ANKRD31: variants seen among roughly 807,000 people sequenced by gnomAD.
ANKRD31 encodes the protein ankyrin repeat domain-containing protein 31.
ANKRD31 carries 147 observed loss-of-function variants against 186.0 expected under a neutral mutation model. The ratio of observed to expected loss-of-function variants is 0.79; its 90% CI spans 0.69 to 0.91. The LOEUF is 0.91. Among genes scored for constraint, ANKRD31 ranks in the 40% least tolerant of loss-of-function variants. ANKRD31 has a pLI of 0.00. For missense variants in ANKRD31, 1,986 were observed against 2,148.8 expected, an observed-to-expected ratio of 0.92 and a Z score of 1.50; for synonymous variants, 673 against 736.4, an observed-to-expected ratio of 0.91 and a Z score of 1.39.
intron 11 of ANKRD31, among the ~76,000 whole-genome samples, chr5:75,168,522 T>C (rs1753083410): frequency 6.6e-6 from 1 of 152,172 alleles, no homozygotes; most frequent in African/African-American, 2.4e-5. Flanking sequence ...GTCTGATATT[T>C]TAACCTGCTG....
At chr5:75,133,073 G>C (rs1368153998) in intron 17 of ANKRD31, among the ~76,000 whole-genome samples, 13 of 152,288 alleles carry the variant, frequency 8.5e-5, no homozygotes, top group Middle Eastern at 6.8e-3. Context: ...AAATTGTAAA[G>C]ACCGTCGATG....
In ANKRD31 at chr5:75,104,282, C is replaced by G. The variant is rs777717221; in HGVS notation, c.5277G>C (p.Leu1759Phe). Reference sequence around the variant, plus strand: ...CTGGGTTAATTCTTCCTAGTAATATCAAATCTTTTATCTGAATACATTTCT... The same window carrying G: ...CTGGGTTAATTCTTCCTAGTAATATGAAATCTTTTATCTGAATACATTTCT... The part of the protein sequence containing the change: ...PKKKCIQIKD[L>F]ILLGRINPGN... Residue 1759 changes from leucine (L) to phenylalanine (F), a missense_variant, in exon 22 of 26, where the codon TTG (leucine) becomes TTC (phenylalanine). Physicochemically the swap from Leu to Phe is conservative, Grantham distance 22. Transcript: ENST00000506364. 2.0e-6 allele frequency: 3 copies of G among 1,532,950 alleles called. 1 individual carries two copies. In the South Asian group the frequency reaches 3.6e-5, roughly 19 times the overall value. 95.0% of individuals were successfully genotyped at this position (1,532,950 alleles called of 1,614,324 possible).
intron 23 of ANKRD31, among the ~76,000 whole-genome samples, chr5:75,089,274 G>C (rs1332904888): frequency 2.6e-5 from 4 of 152,206 alleles, no homozygotes; most frequent in Non-Finnish European, 5.9e-5. Flanking sequence ...CTCTGAGTAA[G>C]CATCAGGATT....
At chr5:75,156,454 C>G (rs763850641) in intron 11 of ANKRD31, among the ~76,000 whole-genome samples, 8 of 152,274 alleles carry the variant, frequency 5.3e-5, no homozygotes, top group Non-Finnish European at 1.0e-4. Flanking sequence ...AGTCAAAGTT[C>G]CTCCGCACTT....
At chr5:75,088,235 T>C (rs983831118) in intron 23 of ANKRD31, among the ~76,000 whole-genome samples, 10 of 152,026 alleles carry the variant, frequency 6.6e-5, no homozygotes, top group Admixed American at 6.6e-4. Context: ...TCTTGAAAAG[T>C]ATGTGTGGGG....
At chr5:75,107,683 G>A in intron 20 of ANKRD31, 66 bp from the exon 21 acceptor site, 2 of 902,174 alleles carry the variant, frequency 2.2e-6, no homozygotes, top group Non-Finnish European at 1.7e-6. Flanking sequence ...GGTCATACGA[G>A]AATTAGCCCT....
At chr5:75,156,499 C>T (rs1023998375) in intron 11 of ANKRD31, among the ~76,000 whole-genome samples, 2 of 152,160 alleles carry the variant, frequency 1.3e-5, no homozygotes, top group African/African-American at 4.8e-5. Context: ...CTCATCCACC[C>T]TCACCAAAAG....
intron 20 of ANKRD31, among the ~76,000 whole-genome samples, chr5:75,110,159 G>A (rs1747655410): frequency 6.6e-6 from 1 of 152,128 alleles, no homozygotes; most frequent in Non-Finnish European, 1.5e-5. Flanking sequence ...CCTGGGGGTG[G>A]TGGGGAGAAG....
In ANKRD31 at chr5:75,104,345, T is replaced by C. The variant is rs769331261; in HGVS notation, c.5214A>G (p.Thr1738=). 5.2e-6 allele frequency: 8 copies of C among 1,537,122 alleles called. No individual in the cohort carries two copies. Among genetic ancestry groups the C allele is most frequent in the African/African-American group, 2.7e-5 (2 of 73,030 alleles). Reference sequence around the variant, plus strand: ...TACTGTAGTTTAAAGCCTTTTTTATTGTATCTTGTTGCCCAGATCCAGAGG... The same window carrying C: ...TACTGTAGTTTAAAGCCTTTTTTATCGTATCTTGTTGCCCAGATCCAGAGG... The part of the protein sequence containing the change: ...SSSSGSGQQD[T]IKKALNYSTA... Residue 1738 remains threonine (T), a synonymous_variant, in exon 22 of 26, where the codon ACA becomes ACG. Transcript: ENST00000506364.
At chr5:75,086,137 T>A (rs1004248550) in intron 23 of ANKRD31, among the ~76,000 whole-genome samples, 23 of 152,236 alleles carry the variant, frequency 1.5e-4, no homozygotes, top group African/African-American at 5.1e-4. Context: ...TCCATCAAAG[T>A]GCAGGCTCAG....
intron 17 of ANKRD31, among the ~76,000 whole-genome samples, chr5:75,135,889 C>T (rs1750533819): frequency 1.3e-5 from 2 of 152,158 alleles, no homozygotes; most frequent in Non-Finnish European, 2.9e-5. Flanking sequence ...TGATCTTTGA[C>T]AAACCTGACA....
At chr5:75,195,027 G>A (rs1471768112) in intron 7 of ANKRD31, among the ~76,000 whole-genome samples, 2 of 152,106 alleles carry the variant, frequency 1.3e-5, no homozygotes, top group African/African-American at 4.8e-5. Flanking sequence ...ATATGACAAA[G>A]GGACTTTGTG....
At position 75,169,106 on chromosome 5, in the gene ANKRD31, T is replaced by C. The variant is rs888921366; in HGVS notation, c.1580A>G (p.His527Arg). ...ATAAAATCCTCCTACACTAGCTTCA[T>C]GAAGTGCTGTCCAACCTATCATACA... ...QPSYAGWTAL[H>R]EASVGGFYRT... The change falls in exon 11 of 26, where the codon CAT becomes CGT. Residue 527 changes from histidine (H) to arginine (R), a missense_variant. Physicochemically the swap from His to Arg is conservative, Grantham distance 29 (BLOSUM62 0). Transcript: ENST00000506364. The C allele has an allele frequency of 3.9e-6, 6 of 1,536,878 alleles. No individual in the cohort carries two copies. The highest frequency in any genetic ancestry group is 4.4e-6 in the Non-Finnish European group (5 of 1,146,554).
Position 75,146,294 on chromosome 5 carries a change from G to A in ANKRD31, c.3117C>T (p.Pro1039=). ...GATTCATTAAAAAAGTTGGTGCTCT[G>A]GGAATATAATCCTGTGGCTTTTTGA... ...ELFKKPQDYI[P]RAPTFLMNQT... The change falls in exon 14 of 26, where the codon CCC becomes CCT. Residue 1039 remains proline (P), a synonymous_variant. Coordinates refer to ENST00000506364, the MANE Select transcript of ANKRD31 (RefSeq NM_001372053.1). 1 of 1,536,390 alleles carries A rather than the reference G, an allele frequency of 6.5e-7. No homozygotes were observed.
At chr5:75,140,991 T>C (rs1751007798) in intron 15 of ANKRD31, among the ~76,000 whole-genome samples, 3 of 152,162 alleles carry the variant, frequency 2.0e-5, no homozygotes, top group South Asian at 2.1e-4. Context: ...AAGTGTGTAA[T>C]AGAGACAACT....
rs1442479790 is a variant in ANKRD31 at position 75,147,106 on chromosome 5, T to C, written c.2305A>G (p.Ile769Val). ...INRLVTYQQH[I>V]PETHNDLPEE... ...GGAAGGTCATTATGAGTTTCTGGAATATGCTGCTGATAGGTAACCAATCTG... is the reference window on the plus strand; with the variant it reads ...GGAAGGTCATTATGAGTTTCTGGAACATGCTGCTGATAGGTAACCAATCTG... Residue 769 changes from isoleucine (I) to valine (V), a missense_variant, in exon 14 of 26, where the codon ATT becomes GTT. Coordinates refer to ENST00000506364, the MANE Select transcript of ANKRD31 (RefSeq NM_001372053.1). 6.5e-7 allele frequency: 1 copy of C among 1,536,404 alleles called. No individual in the cohort carries two copies. The highest frequency in any genetic ancestry group is 1.7e-4 in the Middle Eastern group (1 of 5,982).
chr5:75,082,375 A>G lies in ANKRD31; in HGVS notation c.5576-1736T>C, dbSNP rs559429543. On this transcript the variant is annotated intron_variant, in intron 24 of 25. Transcript: ENST00000506364. The stretch of plus-strand genomic sequence containing the variant: ...TGGCCCTGGTTATCACAGTATCATC[A>G]TTTTTTGTTTTGTACCTCCTCTCTT... 3.3e-5 allele frequency among the ~76,000 whole-genome samples: 5 copies of G among 152,092 alleles called. No homozygotes were observed. The South Asian group carries it at 6.2e-4, about 19-fold the overall frequency.
intron 10 of ANKRD31, among the ~76,000 whole-genome samples, chr5:75,178,635 C>T (rs1356611952): frequency 3.3e-5 from 5 of 152,108 alleles, no homozygotes; most frequent in Admixed American, 1.3e-4. Flanking sequence ...TGAATGACTA[C>T]TGGGTACATA....
intron 7 of ANKRD31, 105 bp downstream of exon 7, chr5:75,195,526 C>T: frequency 4.1e-6 from 4 of 973,236 alleles, no homozygotes; most frequent in Non-Finnish European, 5.9e-6. Flanking sequence ...ATCATAGACT[C>T]ATATTTTCAG....
Sources: gnomAD v4.1 joint callset for allele counts (sites outside exome capture counted in the v4.1 genomes callset) on GRCh38, gnomAD v4.1.1 for gene constraint, MANE v1.5 for transcripts, NCBI Gene and HGNC (gene_info 2026-07-23, HGNC 2026-07-21) for gene names.